AGPAT3: variants seen among roughly 807,000 people sequenced by gnomAD.
AGPAT3 encodes 1-acyl-sn-glycerol-3-phosphate acyltransferase gamma.
AGPAT3 carries 5 observed loss-of-function variants against 47.3 expected under a neutral mutation model. That is an observed-to-expected ratio of 0.11 (90% CI 0.06 to 0.22). The LOEUF (loss-of-function observed/expected upper bound fraction) is 0.22. Among genes scored for constraint, AGPAT3 ranks in the 10% least tolerant of loss-of-function variants. AGPAT3 has a pLI of 1.00. For synonymous variants in AGPAT3, 212 were observed against 208.3 expected, an observed-to-expected ratio of 1.02 and a Z score of -0.15; for missense variants, 315 against 493.0, an observed-to-expected ratio of 0.64 and a Z score of 3.42.
rs866547448 is a variant in AGPAT3 at position 43,954,907 on chromosome 21, G to A, written c.-48-4727G>A. 1.2e-4 allele frequency: 79 copies of A among 659,760 alleles called. No homozygotes were observed. The highest frequency in any genetic ancestry group is 4.6e-4 in the East Asian group (4 of 8,762). 40.9% of individuals were successfully genotyped at this position (659,760 alleles called of 1,614,324 possible). ...CGTGGGCTCTCCGGGGAGTCTCTGCGTAGACTTTCTAGCCCAGAGGTTCAG... is the reference window on the plus strand; with the variant it reads ...CGTGGGCTCTCCGGGGAGTCTCTGCATAGACTTTCTAGCCCAGAGGTTCAG... On this transcript the variant is annotated intron_variant, in intron 2 of 9. Coordinates refer to ENST00000291572, the MANE Select transcript of AGPAT3 (RefSeq NM_020132.5). This position sits in a 1 kb window ranked among gnomAD's most constrained non-coding sequence, Gnocchi z 4.0.
At chr21:43,885,522 G>A in intron 1 of AGPAT3, among the ~76,000 whole-genome samples, 1 of 151,694 alleles carries the variant, frequency 6.6e-6, no homozygotes, top group South Asian at 2.1e-4. Flanking sequence ...ACAGGTAGCT[G>A]TGATTACAGG....
Position 43,985,506 on chromosome 21 carries a change from C to T in AGPAT3, c.*3114C>T, listed in dbSNP as rs943178360. On this transcript the variant is annotated 3_prime_UTR_variant, in exon 10 of 10. Coordinates refer to ENST00000291572, the MANE Select transcript of AGPAT3 (RefSeq NM_020132.5). ...CATGAGAATCTTTCCTCACGCTGTT[C>T]GTTGCGGTATTGCTGAGCATTGATG... The T allele has an allele frequency of 9.3e-5, 29 of 310,990 alleles. No homozygotes were observed. The highest frequency in any genetic ancestry group is 1.1e-4 in the Non-Finnish European group (17 of 159,970). The allele number at this position is 310,990 out of a possible 1,614,324, so 19.3% of individuals were successfully genotyped here. A position where few individuals can be genotyped will look rare whatever the true frequency, so the allele number is the denominator to read the frequency against.
In AGPAT3 at chr21:43,939,289, C is replaced by T. The variant is rs577993442; in HGVS notation, c.-48-20345C>T. On this transcript the variant is annotated intron_variant, in intron 2 of 9. Transcript: ENST00000291572. This position sits in a 1 kb window ranked among gnomAD's most constrained non-coding sequence, Gnocchi z 4.4. ...TGTGCTGTCGAGGGCCTCTAGCGGG[C>T]GCTCCCTTGATAACACCCCACCCCC... Among the ~76,000 whole-genome samples the T allele has an allele frequency of 5.9e-5, 9 of 152,244 alleles. No individual in the cohort carries two copies. The highest frequency in any genetic ancestry group is 3.4e-3 in the Middle Eastern group (1 of 294).
chr21:43,938,525 C>T (rs1476634524), intron 2 of AGPAT3, among the ~76,000 whole-genome samples: 1 of 152,016 alleles, frequency 6.6e-6, no homozygotes, highest in Non-Finnish European at 1.5e-5. Context: ...AACTCCTGAC[C>T]TCAGGTGATC....
chr21:43,918,333 G>A (rs2034205542), intron 2 of AGPAT3, among the ~76,000 whole-genome samples: 1 of 151,094 alleles, frequency 6.6e-6, no homozygotes, highest in Non-Finnish European at 1.5e-5. Context: ...GTAGCCACCT[G>A]GTGGCTGAGG....
chr21:43,895,446 A>G (rs2086193279), intron 1 of AGPAT3, among the ~76,000 whole-genome samples: 2 of 150,296 alleles, frequency 1.3e-5, no homozygotes, highest in Admixed American at 6.6e-5. Flanking sequence ...TGCAGTCCAC[A>G]CTTAAGGTTG....
At position 43,952,805 on chromosome 21, in the gene AGPAT3, G is replaced by A. The variant is rs188948088; in HGVS notation, c.-48-6829G>A. 5.9e-5 allele frequency among the ~76,000 whole-genome samples: 9 copies of A among 152,230 alleles called. No individual in the cohort carries two copies. The highest frequency in any genetic ancestry group is 8.8e-5 in the Non-Finnish European group (6 of 68,004). On this transcript the variant is annotated intron_variant, in intron 2 of 9. Transcript: ENST00000291572. This position sits in a 1 kb window ranked among gnomAD's most constrained non-coding sequence, Gnocchi z 5.6. ...GCCATGGGGACTGGAGAGGCCCACT[G>A]TCACACCTCCCAGCCCCAGCCCCAG...
At chr21:43,921,658 G>A (rs1454190784) in intron 2 of AGPAT3, among the ~76,000 whole-genome samples, 1 of 152,218 alleles carries the variant, frequency 6.6e-6, no homozygotes, top group East Asian at 1.9e-4. Flanking sequence ...ACCAGGTGAT[G>A]AGCAGCCCTG....
chr21:43,905,712 T>C (rs1373425696), intron 2 of AGPAT3, among the ~76,000 whole-genome samples: 1 of 152,248 alleles, frequency 6.6e-6, no homozygotes, highest in Non-Finnish European at 1.5e-5. Flanking sequence ...AAATTGCTAT[T>C]CTGTGCAAAA....
chr21:43,897,340 C>T (rs7280481), intron 1 of AGPAT3, among the ~76,000 whole-genome samples: 45,146 of 151,616 alleles, frequency 0.3, 7,639 homozygotes, highest in Non-Finnish European at 0.38. Context: ...AAAATGGAGT[C>T]TCCTATGTCT....
chr21:43,961,693 T>C (rs569884246), intron 3 of AGPAT3, among the ~76,000 whole-genome samples: 52 of 146,796 alleles, frequency 3.5e-4, no homozygotes, highest in Non-Finnish European at 6.5e-4. Flanking sequence ...CTTTGTCTCA[T>C]GTGGGAAATG....
Position 43,954,040 on chromosome 21 carries a change from T to A in AGPAT3, c.-48-5594T>A, listed in dbSNP as rs988613559. 3.3e-5 allele frequency among the ~76,000 whole-genome samples: 5 copies of A among 152,212 alleles called. No homozygotes were observed. The highest frequency in any genetic ancestry group is 1.2e-4 in the African/African-American group (5 of 41,466). On this transcript the variant is annotated intron_variant, in intron 2 of 9. Transcript: ENST00000291572. The surrounding 1 kb of genome is among the most constrained non-coding windows in gnomAD (Gnocchi z 4.0). ...AAAATAAAAAATAAAAATGTAGACGTCAACTTCACATTGTCTGGGGATGCA... is the reference window on the plus strand; with the variant it reads ...AAAATAAAAAATAAAAATGTAGACGACAACTTCACATTGTCTGGGGATGCA...
At chr21:43,921,704 C>T (rs2086895855) in intron 2 of AGPAT3, among the ~76,000 whole-genome samples, 1 of 152,226 alleles carries the variant, frequency 6.6e-6, no homozygotes, top group South Asian at 2.1e-4. Context: ...TTTGAAGTCA[C>T]TTCGCTGGGT....
At chr21:43,878,496 G>T (rs1218643790) in intron 1 of AGPAT3, among the ~76,000 whole-genome samples, 2 of 152,210 alleles carry the variant, frequency 1.3e-5, no homozygotes, top group East Asian at 1.9e-4. Flanking sequence ...CACTGATGCC[G>T]CTCCGTTTTC....
intron 3 of AGPAT3, chr21:43,967,560 T>G (rs2089189860): frequency 1.1e-5 from 2 of 188,542 alleles, no homozygotes; most frequent in Non-Finnish European, 2.2e-5. Flanking sequence ...CTGTCTGTTC[T>G]GCAGACATAC....
Position 43,955,233 on chromosome 21 carries a change from T to C in AGPAT3, c.-48-4401T>C, listed in dbSNP as rs1177218874. 8.1e-7 allele frequency: 1 copy of C among 1,228,384 alleles called. No homozygotes were observed. Among genetic ancestry groups the C allele is most frequent in the Non-Finnish European group, 1.0e-6 (1 of 952,830 alleles). 76.1% of individuals were successfully genotyped at this position (1,228,384 alleles called of 1,614,324 possible). ...CCATGGGATTCTGTGTTTGTGAACCTCTAGAAAAGGTAAATTAACCTATAG... is the reference window on the plus strand; with the variant it reads ...CCATGGGATTCTGTGTTTGTGAACCCCTAGAAAAGGTAAATTAACCTATAG... On this transcript the variant is annotated intron_variant, in intron 2 of 9. Coordinates refer to ENST00000291572, the MANE Select transcript of AGPAT3 (RefSeq NM_020132.5). This position sits in a 1 kb window ranked among gnomAD's most constrained non-coding sequence, Gnocchi z 4.1.
At chr21:43,892,334 T>C (rs1011228405) in intron 1 of AGPAT3, among the ~76,000 whole-genome samples, 5 of 151,522 alleles carry the variant, frequency 3.3e-5, no homozygotes, top group African/African-American at 1.2e-4. Context: ...AAAAAAGAAA[T>C]TACTCCTTGA....
intron 1 of AGPAT3, among the ~76,000 whole-genome samples, chr21:43,899,959 C>CT (rs2086313943): frequency 6.6e-6 from 1 of 152,176 alleles, no homozygotes. Context: ...GCACCGCCTT[C>CT]TTTTTGCTGA....
intron 1 of AGPAT3, among the ~76,000 whole-genome samples, chr21:43,901,294 G>C (rs1286579610): frequency 7.0e-6 from 1 of 142,236 alleles, no homozygotes; most frequent in East Asian, 2.1e-4. Context: ...CTGTACTCTA[G>C]TCCAGGCAAC....
Sources: allele counts gnomAD v4.1 joint callset (sites outside exome capture counted in the v4.1 genomes callset), GRCh38; gene constraint gnomAD v4.1.1; non-coding constraint Gnocchi (gnomAD v3.1); transcripts MANE v1.5; gene names NCBI Gene and HGNC (gene_info 2026-07-23, HGNC 2026-07-21).